Variants in COX7B2 observed in about 807,000 individuals in gnomAD.
COX7B2 encodes the protein cytochrome c oxidase subunit 7B2, mitochondrial.
For missense variants in COX7B2, 109 were observed against 95.9 expected, an observed-to-expected ratio of 1.14 and a Z score of -0.57; for synonymous variants, 37 against 32.1, an observed-to-expected ratio of 1.15 and a Z score of -0.51.
intron 2 of COX7B2, among the ~76,000 whole-genome samples, chr4:46,837,260 AACACACAAAGACATACACAC>A (rs1464851728): frequency 2.1e-5 from 3 of 144,338 alleles, no homozygotes; most frequent in East Asian, 2.0e-4. Context: ...ATGTAGTATG[AACACACAAAGACATACACAC>A]ACACACACAC....
chr4:46,876,275 T>C (rs769045360), intron 1 of COX7B2, among the ~76,000 whole-genome samples: 1 of 152,206 alleles, frequency 6.6e-6, no homozygotes, highest in Non-Finnish European at 1.5e-5. Context: ...GAGGTAACAT[T>C]TTTATAAATA....
At chr4:46,736,820 A>G (rs1490041588) in intron 2 of COX7B2, among the ~76,000 whole-genome samples, 1 of 151,936 alleles carries the variant, frequency 6.6e-6, no homozygotes, top group Non-Finnish European at 1.5e-5. Context: ...TTAATATTCC[A>G]CTGTCTGGAT....
intron 2 of COX7B2, among the ~76,000 whole-genome samples, chr4:46,781,739 G>A (rs1717463879): frequency 6.6e-6 from 1 of 152,240 alleles, no homozygotes; most frequent in Non-Finnish European, 1.5e-5. Flanking sequence ...ATGAGTTCCG[G>A]GTGGGCGCAG....
intron 2 of COX7B2, among the ~76,000 whole-genome samples, chr4:46,776,393 AGTGTGTGTGTGT>A (rs34113475): frequency 6.8e-6 from 1 of 146,532 alleles, no homozygotes; most frequent in East Asian, 2.0e-4. Context: ...GTAGTTTCAG[AGTGTGTGTGTGT>A]GTGTGTGTGT....
chr4:46,851,086 G>A (rs1186821227), intron 1 of COX7B2, among the ~76,000 whole-genome samples: 1 of 152,070 alleles, frequency 6.6e-6, no homozygotes. Context: ...GAGCAGTAGA[G>A]CTGCTATTAG....
At chr4:46,748,954 C>A (rs991075868) in intron 2 of COX7B2, among the ~76,000 whole-genome samples, 3 of 152,124 alleles carry the variant, frequency 2.0e-5, no homozygotes, top group African/African-American at 4.8e-5. Flanking sequence ...CTTGTTACTT[C>A]CAGAGAAATA....
At chr4:46,844,313 T>C (rs1384627946) in intron 2 of COX7B2, among the ~76,000 whole-genome samples, 1 of 151,940 alleles carries the variant, frequency 6.6e-6, no homozygotes, top group African/African-American at 2.4e-5. Context: ...ATTCCCAAAT[T>C]CGGCTTTCAA....
intron 2 of COX7B2, among the ~76,000 whole-genome samples, chr4:46,798,547 T>C (rs1261164345): frequency 6.6e-6 from 1 of 152,198 alleles, no homozygotes; most frequent in Non-Finnish European, 1.5e-5. Context: ...TGAATCGCAG[T>C]GCAGGCCTTT....
chr4:46,870,557 A>G (rs946934063), intron 1 of COX7B2, among the ~76,000 whole-genome samples: 2 of 152,176 alleles, frequency 1.3e-5, no homozygotes, highest in African/African-American at 4.8e-5. Context: ...CCGTTTGCAG[A>G]TGACATGATT....
intron 2 of COX7B2, among the ~76,000 whole-genome samples, chr4:46,805,676 T>C (rs569144549): frequency 1.3e-5 from 2 of 152,318 alleles, no homozygotes. Flanking sequence ...TTTTGCCCTG[T>C]TTGGTTCTTC....
At chr4:46,858,416 A>T (rs1717134839) in intron 1 of COX7B2, among the ~76,000 whole-genome samples, 1 of 152,134 alleles carries the variant, frequency 6.6e-6, no homozygotes, top group South Asian at 2.1e-4. Flanking sequence ...ATTTTAAGAC[A>T]TATTGGTACA....
chr4:46,735,036 T>C lies in COX7B2; in HGVS notation c.157A>G (p.Thr53Ala), dbSNP rs1391214255. The C allele has an allele frequency of 2.5e-6, 4 of 1,613,972 alleles. No homozygotes were observed. The Admixed American group carries it at 6.7e-5, about 27-fold the overall frequency. The change falls in exon 3 of 3, where the codon ACA (threonine) becomes GCA (alanine). Residue 53 changes from threonine to alanine, a missense_variant. Physicochemically the swap from Thr to Ala is moderately conservative, Grantham distance 58. Transcript: ENST00000355591. ...LASGTAFCVA[T>A]WVFTATQIGI... ...ATCTGAGTGGCTGTAAACACCCATG[T>C]AGCAACACAGAAAGCAGTTCCACTG...
chr4:46,808,648 C>A (rs1413356338), intron 2 of COX7B2, among the ~76,000 whole-genome samples: 3 of 151,688 alleles, frequency 2.0e-5, no homozygotes, highest in Admixed American at 2.0e-4. Flanking sequence ...CAGTTTCTCC[C>A]CATTGATTAT....
At chr4:46,761,717 T>A (rs942628262) in intron 2 of COX7B2, among the ~76,000 whole-genome samples, 1 of 152,086 alleles carries the variant, frequency 6.6e-6, no homozygotes, top group Non-Finnish European at 1.5e-5. Context: ...CTTGCCCACA[T>A]GATGAATTGG....
chr4:46,851,832 ACTTT>A (rs1172197914), intron 1 of COX7B2, among the ~76,000 whole-genome samples: 1 of 152,114 alleles, frequency 6.6e-6, no homozygotes. Flanking sequence ...TGGTTTTGTG[ACTTT>A]CTTAGCGCAT....
intron 1 of COX7B2, among the ~76,000 whole-genome samples, chr4:46,861,112 T>C (rs1717309990): frequency 6.6e-6 from 1 of 152,214 alleles, no homozygotes; most frequent in Non-Finnish European, 1.5e-5. Flanking sequence ...GTTTCCCTTC[T>C]ACGAGTGTGG....
At chr4:46,838,128 C>T (rs752670713) in intron 2 of COX7B2, among the ~76,000 whole-genome samples, 2 of 151,912 alleles carry the variant, frequency 1.3e-5, no homozygotes, top group Non-Finnish European at 2.9e-5. Context: ...TTAATTTGTA[C>T]ATTCTTTATC....
At chr4:46,867,232 A>G (rs992571915) in intron 1 of COX7B2, among the ~76,000 whole-genome samples, 12 of 152,218 alleles carry the variant, frequency 7.9e-5, no homozygotes, top group Non-Finnish European at 1.6e-4. Flanking sequence ...GCCTACACTC[A>G]TAAGATCAGC....
chr4:46,804,304 G>C (rs189514962), intron 2 of COX7B2, among the ~76,000 whole-genome samples: 4 of 152,270 alleles, frequency 2.6e-5, no homozygotes, highest in African/African-American at 9.6e-5. Context: ...TCCACGGTAC[G>C]GAAAGGGACC....
Sources: allele counts gnomAD v4.1 joint callset (sites outside exome capture counted in the v4.1 genomes callset), GRCh38; gene constraint gnomAD v4.1.1; transcripts MANE v1.5; gene names NCBI Gene and HGNC (gene_info 2026-07-23, HGNC 2026-07-21).